BRAF: variants seen among roughly 807,000 people sequenced by gnomAD.
BRAF encodes the protein B-Raf proto-oncogene, serine/threonine kinase, also known as serine/threonine-protein kinase B-raf.
A neutral mutation model predicts 104.6 loss-of-function variants in BRAF; 16 were observed. That is an observed-to-expected ratio of 0.15 (90% confidence interval 0.10 to 0.23). BRAF has a LOEUF of 0.23. Ranked by LOEUF, BRAF falls within the 10% of genes least tolerant of loss-of-function variation. The pLI, the probability that BRAF is intolerant of heterozygous loss-of-function variation, is 1.00. For synonymous variants in BRAF, 310 were observed against 341.6 expected, an observed-to-expected ratio of 0.91 and a Z score of 1.02; for missense variants, 541 against 937.3, an observed-to-expected ratio of 0.58 and a Z score of 5.52.
chr7:140,874,636 T>C (rs954214817), intron 1 of BRAF, among the ~76,000 whole-genome samples: 7 of 150,094 alleles, frequency 4.7e-5, no homozygotes, highest in Admixed American at 1.3e-4. Flanking sequence ...GCGGCAACAA[T>C]AGGATCTTCA....
At chr7:140,902,621 T>C (rs1195984016) in intron 1 of BRAF, among the ~76,000 whole-genome samples, 1 of 152,098 alleles carries the variant, frequency 6.6e-6, no homozygotes, top group Admixed American at 6.6e-5. Flanking sequence ...ACTACTCCAG[T>C]GAATACATGA....
intron 14 of BRAF, among the ~76,000 whole-genome samples, chr7:140,766,894 T>C (rs1799382690): frequency 6.6e-6 from 1 of 152,176 alleles, no homozygotes; most frequent in Non-Finnish European, 1.5e-5. Flanking sequence ...GGACTCACTC[T>C]GTTACCCAAG....
At chr7:140,880,971 C>T (rs1812836633) in intron 1 of BRAF, among the ~76,000 whole-genome samples, 1 of 152,062 alleles carries the variant, frequency 6.6e-6, no homozygotes, top group East Asian at 1.9e-4. Flanking sequence ...ACAAAAAAAG[C>T]ACACACACAT....
At chr7:140,834,954 T>C in intron 2 of BRAF, 82 bp from the exon 3 acceptor site, 1 of 1,520,168 alleles carries the variant, frequency 6.6e-7, no homozygotes, top group Non-Finnish European at 9.1e-7. Flanking sequence ...TAGCCTTTGA[T>C]TATAATCTTT....
intron 14 of BRAF, among the ~76,000 whole-genome samples, chr7:140,767,388 C>T (rs1302966461): frequency 6.6e-6 from 1 of 152,044 alleles, no homozygotes; most frequent in Non-Finnish European, 1.5e-5. Context: ...CAAAAGATGT[C>T]TCTGGGTAGG....
At chr7:140,824,167 T>C (rs1297687481) in intron 3 of BRAF, 1 of 152,222 alleles carries the variant, frequency 6.6e-6, no homozygotes, top group Non-Finnish European at 1.5e-5. Flanking sequence ...AATTTTTCCA[T>C]TTTTTCTTGT....
At position 140,797,375 on chromosome 7, in the gene BRAF, T is replaced by C. The variant is rs556200380; in HGVS notation, c.981-2908A>G. Among the ~76,000 whole-genome samples, 16 of 152,336 alleles carry C rather than the reference T, an allele frequency of 1.1e-4. No homozygotes were observed. In the South Asian group the frequency reaches 1.4e-3, roughly 14 times the overall value. On this transcript the variant is annotated intron_variant, in intron 7 of 19. Coordinates refer to ENST00000644969, the MANE Select transcript of BRAF (RefSeq NM_001374258.1). ...TTGTATTCAAAACTGGGCAATGTAT[T>C]GCTTCTCCAATATTTCTTGATTACA...
chr7:140,889,858 G>A (rs1056983748), intron 1 of BRAF, among the ~76,000 whole-genome samples: 4 of 152,196 alleles, frequency 2.6e-5, no homozygotes, highest in African/African-American at 4.8e-5. Flanking sequence ...TAGGAAGCGA[G>A]GGGGTTGGGG....
At chr7:140,902,102 A>G (rs1460108481) in intron 1 of BRAF, among the ~76,000 whole-genome samples, 1 of 152,204 alleles carries the variant, frequency 6.6e-6, no homozygotes, top group African/African-American at 2.4e-5. Flanking sequence ...TTTTTTACAA[A>G]CTGAAGGTTG....
At chr7:140,764,064 C>A (rs1799060477) in intron 14 of BRAF, among the ~76,000 whole-genome samples, 1 of 152,168 alleles carries the variant, frequency 6.6e-6, no homozygotes, top group African/African-American at 2.4e-5. Context: ...TACTGGCAAA[C>A]CGAATCCAGC....
At chr7:140,762,297 C>A (rs1304620146) in intron 14 of BRAF, among the ~76,000 whole-genome samples, 2 of 152,080 alleles carry the variant, frequency 1.3e-5, no homozygotes, top group Non-Finnish European at 2.9e-5. Context: ...CTACTGGGTA[C>A]ATAACGAAAT....
downstream of BRAF, among the ~76,000 whole-genome samples, chr7:140,715,507 C>T: frequency 6.6e-6 from 1 of 152,194 alleles, no homozygotes; most frequent in East Asian, 1.9e-4. Flanking sequence ...CAATCTACAA[C>T]AGTGAACTCA....
intron 3 of BRAF, among the ~76,000 whole-genome samples, chr7:140,823,135 A>G (rs555891208): frequency 1.3e-5 from 2 of 152,334 alleles, no homozygotes; most frequent in East Asian, 1.9e-4. Flanking sequence ...AACGTTTTAC[A>G]TAACTACCAT....
At chr7:140,781,289 T>C (rs1361023947) in intron 12 of BRAF, 3 of 413,420 alleles carry the variant, frequency 7.3e-6, no homozygotes, top group Middle Eastern at 1.4e-3. Flanking sequence ...AATTATCAGC[T>C]GAAAGACTCT....
rs769861403 is a variant in BRAF, at chr7:140,725,379, T to A, written c.*1115A>T. 1.4e-5 allele frequency: 14 copies of A among 969,962 alleles called. No individual in the cohort carries two copies. In the South Asian group the frequency reaches 6.4e-4, roughly 45 times the overall value. The allele number at this position is 969,962 out of a possible 1,614,324, so 60.1% of individuals were successfully genotyped here. On this transcript the variant is annotated 3_prime_UTR_variant, in exon 20 of 20. Transcript: ENST00000644969. ...TGATCTTTCTTAAAAGTTGTTTATA[T>A]AACAAAAATACAATTTTCAGGATAT...
At chr7:140,832,513 C>T (rs1273127592) in intron 3 of BRAF, among the ~76,000 whole-genome samples, 1 of 152,050 alleles carries the variant, frequency 6.6e-6, no homozygotes, top group African/African-American at 2.4e-5. Context: ...AAAGGGTTAA[C>T]AGATTCAGAT....
intron 19 of BRAF, chr7:140,731,282 G>C (rs1223339663): frequency 1.3e-5 from 2 of 152,264 alleles, no homozygotes; most frequent in Non-Finnish European, 2.9e-5. Flanking sequence ...CTCCAAAAGT[G>C]CTGGGATTAC....
chr7:140,824,178 G>A (rs1423699155), intron 3 of BRAF: 1 of 151,914 alleles, frequency 6.6e-6, no homozygotes, highest in Non-Finnish European at 1.5e-5. Context: ...TTTTTCTTGT[G>A]TTCCCTGGGC....
intron 19 of BRAF, among the ~76,000 whole-genome samples, chr7:140,726,898 A>G (rs933159963): frequency 1.2e-4 from 18 of 152,212 alleles, no homozygotes; most frequent in African/African-American, 4.3e-4. Flanking sequence ...CTATCATATT[A>G]TTATAATGCC....
Sources: gnomAD v4.1 joint callset for allele counts (sites outside exome capture counted in the v4.1 genomes callset) on GRCh38, gnomAD v4.1.1 for gene constraint, MANE v1.5 for transcripts, NCBI Gene and HGNC (gene_info 2026-07-23, HGNC 2026-07-21) for gene names.